The following AP2A2 variants were observed in gnomAD, a reference collection of about 807,000 sequenced individuals.
AP2A2 encodes adaptor related protein complex 2 subunit alpha 2.
In AP2A2, 32 loss-of-function variants were observed where a neutral mutation model predicts 104.2. The ratio of observed to expected loss-of-function variants is 0.31; its 90% confidence interval spans 0.23 to 0.41. AP2A2 has a LOEUF of 0.41. AP2A2 is among the 10% of genes least tolerant of loss of function. The pLI, the probability that AP2A2 is intolerant of heterozygous loss-of-function variation, is 1.00. For synonymous variants in AP2A2, 539 were observed against 533.3 expected, an observed-to-expected ratio of 1.01 and a Z score of -0.15; for missense variants, 912 against 1,261.0, an observed-to-expected ratio of 0.72 and a Z score of 4.19.
intron 8 of AP2A2, 42 bp downstream of exon 8, chr11:985,624 ACACACGTTCCTTCTCGTTGG>A: frequency 6.2e-7 from 1 of 1,612,262 alleles, no homozygotes; most frequent in East Asian, 2.2e-5. Context: ...TCGCGCACAC[ACACACGTTCCTTCTCGTTGG>A]CACGAGACTG....
intron 2 of AP2A2, among the ~76,000 whole-genome samples, chr11:965,697 C>T (rs184924560): frequency 1.3e-5 from 2 of 152,324 alleles, no homozygotes; most frequent in East Asian, 3.9e-4. Context: ...CCTGCAGACG[C>T]ATGGGCAAGA....
intron 6 of AP2A2, among the ~76,000 whole-genome samples, chr11:983,487 A>G (rs1477711679): frequency 2.6e-5 from 4 of 151,778 alleles, no homozygotes; most frequent in South Asian, 2.1e-4. Flanking sequence ...GGTTCACGCC[A>G]TTCTCCTGCC....
intron 2 of AP2A2, among the ~76,000 whole-genome samples, chr11:964,661 A>T (rs912009039): frequency 2.8e-4 from 43 of 152,234 alleles, no homozygotes; most frequent in African/African-American, 1.0e-3. Context: ...ATTTTTTTTT[A>T]ATAAAATGTT....
At chr11:998,550 A>C (rs1222322855) in intron 14 of AP2A2, among the ~76,000 whole-genome samples, 1 of 152,112 alleles carries the variant, frequency 6.6e-6, no homozygotes, top group Non-Finnish European at 1.5e-5. Context: ...TTAGATGTCC[A>C]GTGGAACATT....
At chr11:929,359 C>G (rs1853216160) in intron 1 of AP2A2, among the ~76,000 whole-genome samples, 2 of 152,198 alleles carry the variant, frequency 1.3e-5, no homozygotes, top group African/African-American at 2.4e-5. Flanking sequence ...TGCCTCTTAG[C>G]AGCTGCATGA....
At chr11:1,004,292 G>T (rs185455626) in intron 16 of AP2A2, among the ~76,000 whole-genome samples, 6 of 152,150 alleles carry the variant, frequency 3.9e-5, no homozygotes, top group Admixed American at 1.3e-4. Context: ...GGCTAACATG[G>T]TGAAACCCTG....
In AP2A2 at chr11:925,957, G is replaced by A. The variant is rs1308710690; in HGVS notation, c.-65G>A. On this transcript the variant is annotated 5_prime_UTR_variant, in exon 1 of 22. Transcript: ENST00000448903. ...GGCGGTGACGGCGACCGCACTCCCC[G>A]CTTCCCGCTCCCCGCGCTCCTCCGC... 5.5e-6 allele frequency: 7 copies of A among 1,279,734 alleles called. No individual in the cohort carries two copies. The highest frequency in any genetic ancestry group is 3.4e-5 in the Admixed American group (1 of 29,284). The allele number at this position is 1,279,734 out of a possible 1,614,324, so 79.3% of individuals were successfully genotyped here.
rs573831245 is a variant in AP2A2, at chr11:1,003,906, T to A, written c.2206+102T>A. The A allele has an allele frequency of 5.4e-6, 4 of 746,200 alleles. No individual in the cohort carries two copies. In the Admixed American group the frequency reaches 1.1e-4, roughly 20 times the overall value. The allele number at this position is 746,200 out of a possible 1,614,324, so 46.2% of individuals were successfully genotyped here. A position where few individuals can be genotyped will look rare whatever the true frequency, so the allele number is the denominator to read the frequency against. On this transcript the variant is annotated intron_variant, in intron 16 of 21. Transcript: ENST00000448903. Reference sequence around the variant, plus strand: ...ACTTATAAGGGATAGATATCCAGAATATAAAAAGAACTCCCATAACTCAGT... The same window carrying A: ...ACTTATAAGGGATAGATATCCAGAAAATAAAAAGAACTCCCATAACTCAGT...
chr11:928,029 T>C (rs1267886499), intron 1 of AP2A2, among the ~76,000 whole-genome samples: 1 of 152,140 alleles, frequency 6.6e-6, no homozygotes, highest in Non-Finnish European at 1.5e-5. Flanking sequence ...TGAAGAAAAT[T>C]GCGTTAGGCA....
At chr11:987,020 T>TG in intron 9 of AP2A2, 67 bp downstream of exon 9, 1 of 1,514,626 alleles carries the variant, frequency 6.6e-7, no homozygotes, top group Non-Finnish European at 8.9e-7. Context: ...CTGTGAAGGC[T>TG]GGGGGTACGC....
At chr11:947,523 C>T (rs907985619) in intron 1 of AP2A2, among the ~76,000 whole-genome samples, 4 of 152,118 alleles carry the variant, frequency 2.6e-5, no homozygotes, top group South Asian at 2.1e-4. Flanking sequence ...TGGCTGGGCG[C>T]GGTGGCTCAC....
rs1194216169 is a variant in AP2A2 at position 992,550 on chromosome 11, C to T, written c.1317C>T (p.Thr439=). ...ILAEKYAVDY[T]WYVDTILNLI... Reference sequence around the variant, plus strand: ...CTGAGAAGTACGCGGTGGACTACACCTGGTATGTGGATACCATCTTGAACT... The same window carrying T: ...CTGAGAAGTACGCGGTGGACTACACTTGGTATGTGGATACCATCTTGAACT... Residue 439 remains threonine, a synonymous_variant, in exon 11 of 22, where the codon ACC becomes ACT. Transcript: ENST00000448903. This position sits in a 1 kb window ranked among gnomAD's most constrained non-coding sequence, Gnocchi z 6.4. The T allele has an allele frequency of 1.9e-6, 3 of 1,612,338 alleles. No individual in the cohort carries two copies. Among genetic ancestry groups the T allele is most frequent in the Admixed American group, 1.7e-5 (1 of 59,774 alleles).
At chr11:994,007 G>A in intron 13 of AP2A2, 22 bp downstream of exon 13, 11 of 1,609,132 alleles carry the variant, frequency 6.8e-6, no homozygotes, top group Non-Finnish European at 9.3e-6. Flanking sequence ...CCGCCCTTCG[G>A]GCTGGCTTGG....
At chr11:927,251 G>T (rs985683247) in intron 1 of AP2A2, among the ~76,000 whole-genome samples, 1 of 26,786 alleles carries the variant, frequency 3.7e-5, no homozygotes, top group Non-Finnish European at 1.1e-4. Context: ...TTGTAGAGAT[G>T]GGGGGGTCTC....
In AP2A2 at chr11:1,002,082, G is replaced by T. The variant is rs564338838; in HGVS notation, c.2123+1484G>T. 1.1e-4 allele frequency among the ~76,000 whole-genome samples: 17 copies of T among 152,340 alleles called. No individual in the cohort carries two copies. The South Asian group carries it at 3.5e-3, about 32-fold the overall frequency. On this transcript the variant is annotated intron_variant, in intron 15 of 21. Coordinates refer to ENST00000448903, the MANE Select transcript of AP2A2 (RefSeq NM_012305.4). ...TGCATTTTCCCCAAAGATTCCTCCA[G>T]GCCAGGTTGTAGTTGGGATGAACCA...
At position 1,006,423 on chromosome 11, in the gene AP2A2, AC is replaced by A. The variant is rs1856207903; in HGVS notation, c.2207-104del. The A allele has an allele frequency of 1.5e-5, 12 of 821,062 alleles. No individual in the cohort carries two copies. In the South Asian group the frequency reaches 1.6e-4, roughly 11 times the overall value. 50.9% of individuals were successfully genotyped at this position (821,062 alleles called of 1,614,324 possible). ...CAACAGTCATACATCACAACAGTGA[AC>A]TTAAATTCAGCTGAAGATTGTGGGG... On this transcript the variant is annotated intron_variant, in intron 16 of 21. Coordinates refer to ENST00000448903, the MANE Select transcript of AP2A2 (RefSeq NM_012305.4).
In AP2A2 at chr11:994,261, A is replaced by G; in HGVS notation, c.1956+16A>G. On this transcript the variant is annotated intron_variant, in intron 14 of 21. Transcript: ENST00000448903. ...CAGCGCCGTGGTGGGTCCCTCACCT[A>G]CTGTGCACCCAGACCTGTCAGGGCC... 16 of 1,611,750 alleles carry G rather than the reference A, an allele frequency of 9.9e-6. No individual in the cohort carries two copies. The highest frequency in any genetic ancestry group is 1.2e-5 in the Non-Finnish European group (14 of 1,179,198).
At chr11:975,975 GC>G (rs2134646996) in intron 4 of AP2A2, among the ~76,000 whole-genome samples, 1 of 152,118 alleles carries the variant, frequency 6.6e-6, no homozygotes, top group South Asian at 2.1e-4. Flanking sequence ...GGCATGCTGG[GC>G]GCCCTCGTGT....
At chr11:935,381 T>C (rs1225228138) in intron 1 of AP2A2, among the ~76,000 whole-genome samples, 1 of 151,938 alleles carries the variant, frequency 6.6e-6, no homozygotes, top group East Asian at 1.9e-4. Flanking sequence ...TTGGCCAGGC[T>C]ATTCTCAAAC....
Sources: gnomAD v4.1 joint callset for allele counts (sites outside exome capture counted in the v4.1 genomes callset) on GRCh38, gnomAD v4.1.1 for gene constraint, Gnocchi (gnomAD v3.1) non-coding constraint, MANE v1.5 for transcripts, NCBI Gene and HGNC (gene_info 2026-07-23, HGNC 2026-07-21) for gene names.